PLCXD3: variants seen among roughly 807,000 people sequenced by gnomAD.
PLCXD3 encodes the protein phosphatidylinositol specific phospholipase C X domain containing 3.
A neutral mutation model predicts 25.5 loss-of-function variants in PLCXD3; 19 were observed. The observed-to-expected ratio is 0.75, with a 90% CI of 0.52 to 1.09. The LOEUF (loss-of-function observed/expected upper bound fraction) is 1.09, where lower values mean the gene tolerates loss of function less well. PLCXD3 is among the 50% of genes least tolerant of loss of function. PLCXD3 has a pLI of 0.00. For missense variants in PLCXD3, 411 were observed against 388.1 expected, an observed-to-expected ratio of 1.06 and a Z score of -0.50; for synonymous variants, 174 against 137.6, an observed-to-expected ratio of 1.26 and a Z score of -1.85.
At chr5:41,422,127 T>C (rs952477318) in intron 1 of PLCXD3, among the ~76,000 whole-genome samples, 1 of 152,224 alleles carries the variant, frequency 6.6e-6, no homozygotes. Context: ...AAGTATATAT[T>C]ATTGTAAAGG....
chr5:41,375,883 AG>A (rs1421043612), intron 2 of PLCXD3, among the ~76,000 whole-genome samples: 1 of 152,180 alleles, frequency 6.6e-6, no homozygotes, highest in African/African-American at 2.4e-5. Flanking sequence ...TTATTAATTA[AG>A]GAATGACTTT....
chr5:41,474,113 A>T (rs1224621115), intron 1 of PLCXD3, among the ~76,000 whole-genome samples: 1 of 152,174 alleles, frequency 6.6e-6, no homozygotes, highest in Admixed American at 6.5e-5. Context: ...AAGACAAAGG[A>T]AACTGTTTTA....
intron 1 of PLCXD3, among the ~76,000 whole-genome samples, chr5:41,385,162 T>C (rs1190988320): frequency 1.3e-5 from 2 of 152,112 alleles, no homozygotes; most frequent in Non-Finnish European, 2.9e-5. Context: ...AACCATTCAA[T>C]AATTGAGAGG....
chr5:41,507,544 G>A (rs1749073649), intron 1 of PLCXD3, among the ~76,000 whole-genome samples: 1 of 152,216 alleles, frequency 6.6e-6, no homozygotes, highest in South Asian at 2.1e-4. Context: ...AGAGATTTGA[G>A]AAATATTTAA....
chr5:41,479,294 C>T (rs561560076), intron 1 of PLCXD3, among the ~76,000 whole-genome samples: 2 of 151,816 alleles, frequency 1.3e-5, no homozygotes, highest in South Asian at 4.2e-4. Context: ...ATTTATAGAG[C>T]CAGAAAGTAG....
intron 2 of PLCXD3, among the ~76,000 whole-genome samples, chr5:41,353,850 G>A (rs1356143763): frequency 2.0e-5 from 3 of 152,138 alleles, no homozygotes; most frequent in African/African-American, 7.2e-5. Flanking sequence ...TCTCTACTGT[G>A]GGTATCAATG....
At chr5:41,428,378 T>G (rs1434137675) in intron 1 of PLCXD3, among the ~76,000 whole-genome samples, 2 of 118,010 alleles carry the variant, frequency 1.7e-5, no homozygotes, top group South Asian at 2.4e-4. Flanking sequence ...AAATGAGTTT[T>G]TTTGTTTTTG....
rs542588654 is a variant in PLCXD3 at position 41,510,441 on chromosome 5, G to T, written c.86C>A (p.Thr29Asn). ...GCGCCTACCTGGAATGGCTAAATTGGTGAGGGGGATGCTGTGCATGCTCTC... is the reference window on the plus strand; with the variant it reads ...GCGCCTACCTGGAATGGCTAAATTGTTGAGGGGGATGCTGTGCATGCTCTC... The part of the protein sequence containing the change: ...LPESMHSIPL[T>N]NLAIPGSHDS... Residue 29 changes from threonine to asparagine, a missense_variant, in exon 1 of 3, where the codon ACC (threonine) becomes AAC (asparagine). Thr to Asn is a moderately conservative substitution (Grantham distance 65). Transcript: ENST00000377801. 3.1e-6 allele frequency: 5 copies of T among 1,609,402 alleles called. No individual in the cohort carries two copies. In the African/African-American group the frequency reaches 5.4e-5, roughly 17 times the overall value.
intron 2 of PLCXD3, among the ~76,000 whole-genome samples, chr5:41,379,389 T>C (rs1370461680): frequency 6.6e-6 from 1 of 152,124 alleles, no homozygotes; most frequent in Non-Finnish European, 1.5e-5. Context: ...AGCCCTCTTG[T>C]TTTGATGAAT....
chr5:41,467,939 CATG>C (rs1748060993), intron 1 of PLCXD3, among the ~76,000 whole-genome samples: 1 of 147,012 alleles, frequency 6.8e-6, no homozygotes, highest in South Asian at 2.2e-4. Context: ...ATGCAGGCAA[CATG>C]ATGTTTTGAT....
chr5:41,390,796 TG>T (rs1745789983), intron 1 of PLCXD3, among the ~76,000 whole-genome samples: 1 of 152,170 alleles, frequency 6.6e-6, no homozygotes, highest in Non-Finnish European at 1.5e-5. Flanking sequence ...AACTTCATAT[TG>T]CTGAGAGAGG....
chr5:41,429,206 A>G (rs1329007938), intron 1 of PLCXD3, among the ~76,000 whole-genome samples: 2 of 152,162 alleles, frequency 1.3e-5, no homozygotes, highest in African/African-American at 4.8e-5. Flanking sequence ...AGAGAAGTCA[A>G]TGGCTCCATG....
chr5:41,398,831 A>T (rs1396254829), intron 1 of PLCXD3, among the ~76,000 whole-genome samples: 3 of 152,204 alleles, frequency 2.0e-5, no homozygotes, highest in African/African-American at 7.2e-5. Flanking sequence ...TCTGTTATTC[A>T]ACATACTACT....
rs529262550 is a variant in PLCXD3, at chr5:41,494,429, C to T, written c.103+15995G>A. ...GAGAAAAGTGGAAGGATTGTAGATACATTTTAGAGAAATATTCCACAGAAT... is the reference window on the plus strand; with the variant it reads ...GAGAAAAGTGGAAGGATTGTAGATATATTTTAGAGAAATATTCCACAGAAT... On this transcript the variant is annotated intron_variant, in intron 1 of 2. Coordinates refer to ENST00000377801, the MANE Select transcript of PLCXD3 (RefSeq NM_001005473.3). Among the ~76,000 whole-genome samples the T allele has an allele frequency of 9.2e-5, 14 of 152,254 alleles. 2 individuals are homozygous for T. The highest frequency in any genetic ancestry group is 3.4e-4 in the African/African-American group (14 of 41,554).
intron 1 of PLCXD3, 132 bp from the exon 2 acceptor site, chr5:41,382,666 AT>A: frequency 1.5e-6 from 1 of 682,962 alleles, no homozygotes; most frequent in Non-Finnish European, 2.4e-6. Flanking sequence ...AATACTAGTT[AT>A]TTTTTATGCC....
intron 2 of PLCXD3, among the ~76,000 whole-genome samples, chr5:41,324,640 G>A (rs928710327): frequency 6.6e-6 from 1 of 152,130 alleles, no homozygotes; most frequent in South Asian, 2.1e-4. Context: ...TCATTAGAAC[G>A]ACAGATACTG....
At chr5:41,481,702 G>T (rs1353668340) in intron 1 of PLCXD3, among the ~76,000 whole-genome samples, 2 of 152,224 alleles carry the variant, frequency 1.3e-5, no homozygotes, top group Admixed American at 1.3e-4. Flanking sequence ...AAAGAAAACT[G>T]TGAAAGGAAC....
rs988249252 is a variant in PLCXD3 at position 41,488,986 on chromosome 5, A to T, written c.103+21438T>A. Among the ~76,000 whole-genome samples, 12 of 151,620 alleles carry T rather than the reference A, an allele frequency of 7.9e-5. 2 individuals are homozygous for T. Among genetic ancestry groups the T allele is most frequent in the African/African-American group, 2.9e-4 (12 of 41,170 alleles). On this transcript the variant is annotated intron_variant, in intron 1 of 2. Coordinates refer to ENST00000377801, the MANE Select transcript of PLCXD3 (RefSeq NM_001005473.3). ...TTGTTGCCATTGCTTTTGGTGTTTT[A>T]GACATGAAGTCCTTGCCCATGCCTA... is the stretch of plus-strand genomic sequence containing the variant.
At chr5:41,421,935 T>G (rs747388410) in intron 1 of PLCXD3, among the ~76,000 whole-genome samples, 61 of 152,150 alleles carry the variant, frequency 4.0e-4, no homozygotes, top group Non-Finnish European at 7.5e-4. Context: ...TTTCTTCATA[T>G]ATTTACTATA....
Sources: gnomAD v4.1 joint callset for allele counts (sites outside exome capture counted in the v4.1 genomes callset) on GRCh38, gnomAD v4.1.1 for gene constraint, MANE v1.5 for transcripts, NCBI Gene and HGNC (gene_info 2026-07-23, HGNC 2026-07-21) for gene names.